Variants in CNTNAP2 observed in about 807,000 individuals in gnomAD.
CNTNAP2 encodes contactin associated protein 2, also known as contactin-associated protein-like 2.
Under a neutral mutation model 155.2 loss-of-function variants are expected in CNTNAP2, and 98 were observed. That is an observed-to-expected ratio of 0.63 (90% CI 0.54 to 0.75). The LOEUF (loss-of-function observed/expected upper bound fraction) is 0.75, where lower values mean the gene tolerates loss of function less well. Among genes scored for constraint, CNTNAP2 ranks in the 30% least tolerant of loss-of-function variants. CNTNAP2 has a pLI of 0.00. For synonymous variants in CNTNAP2, 651 were observed against 631.2 expected, an observed-to-expected ratio of 1.03 and a Z score of -0.47; for missense variants, 1,727 against 1,688.1, an observed-to-expected ratio of 1.02 and a Z score of -0.40.
At chr7:148,002,873 T>A (rs1224956859) in intron 15 of CNTNAP2, among the ~76,000 whole-genome samples, 1 of 152,176 alleles carries the variant, frequency 6.6e-6, no homozygotes, top group Admixed American at 6.5e-5. Context: ...TATTTAATTT[T>A]AAAAATTAGG....
intron 1 of CNTNAP2, among the ~76,000 whole-genome samples, chr7:146,234,906 T>C (rs1234354973): frequency 6.6e-6 from 1 of 152,206 alleles, no homozygotes; most frequent in Non-Finnish European, 1.5e-5. Flanking sequence ...GATTTCCTAT[T>C]TGGCATGTCT....
intron 2 of CNTNAP2, among the ~76,000 whole-genome samples, chr7:146,815,763 C>T (rs1436486637): frequency 6.6e-6 from 1 of 151,272 alleles, no homozygotes; most frequent in African/African-American, 2.4e-5. Context: ...ATATAGAGCA[C>T]TTTTTTTTTA....
chr7:147,802,075 C>T (rs541403746), intron 13 of CNTNAP2, among the ~76,000 whole-genome samples: 8 of 141,204 alleles, frequency 5.7e-5, no homozygotes, highest in African/African-American at 1.8e-4. Context: ...AGTTGCCGGG[C>T]GGAGGGTCTC....
In CNTNAP2 at chr7:148,078,490, A is replaced by G. The variant is rs10242843; in HGVS notation, c.2384-39628A>G. ...TTTTACACCTATGATTTGAGAATAT[A>G]TATATATTAGGCCGAGTTTCATTTT... On this transcript the variant is annotated intron_variant, in intron 15 of 23. Transcript: ENST00000361727. Among the ~76,000 whole-genome samples, 1,436 of 151,622 alleles carry G rather than the reference A, an allele frequency of 9.5e-3. 28 individuals are homozygous for G. The highest frequency in any genetic ancestry group is 0.033 in the African/African-American group (1,355 of 41,354).
intron 1 of CNTNAP2, among the ~76,000 whole-genome samples, chr7:146,655,222 A>G (rs902769121): frequency 6.6e-6 from 1 of 151,680 alleles, no homozygotes; most frequent in African/African-American, 2.4e-5. Context: ...AGACCAGCCC[A>G]ACCAACATGG....
At chr7:148,181,274 T>C (rs1033617706) in intron 18 of CNTNAP2, among the ~76,000 whole-genome samples, 2 of 152,192 alleles carry the variant, frequency 1.3e-5, no homozygotes, top group Admixed American at 1.3e-4. Flanking sequence ...TATATCTATA[T>C]AGTCTGTTGA....
At chr7:147,018,480 T>A (rs1303873417) in intron 3 of CNTNAP2, among the ~76,000 whole-genome samples, 4 of 152,040 alleles carry the variant, frequency 2.6e-5, no homozygotes. Flanking sequence ...ACTGGATGAC[T>A]GGTTTGGATG....
At chr7:147,484,518 G>A (rs546622941) in intron 10 of CNTNAP2, among the ~76,000 whole-genome samples, 1 of 152,282 alleles carries the variant, frequency 6.6e-6, no homozygotes, top group African/African-American at 2.4e-5. Context: ...CTTCTGCAAG[G>A]CTGTGAATAC....
chr7:146,742,534 CTT>C (rs989312378), intron 1 of CNTNAP2, among the ~76,000 whole-genome samples: 12 of 152,114 alleles, frequency 7.9e-5, no homozygotes, highest in African/African-American at 2.9e-4. Context: ...TAAGTCAACT[CTT>C]TTGAGAGATT....
intron 12 of CNTNAP2, among the ~76,000 whole-genome samples, chr7:147,629,043 G>C (rs954663070): frequency 6.6e-5 from 10 of 151,618 alleles, no homozygotes; most frequent in Non-Finnish European, 1.3e-4. Context: ...CAATAATAGT[G>C]GGGGGGCTTC....
At chr7:148,295,735 T>C (rs28488357) in intron 21 of CNTNAP2, among the ~76,000 whole-genome samples, 8,842 of 151,468 alleles carry the variant, frequency 0.058, 337 homozygotes, top group African/African-American at 0.11. Context: ...TCGTGATCCA[T>C]CCGCCTCGGC....
At chr7:146,182,253 T>A (rs1050120847) in intron 1 of CNTNAP2, among the ~76,000 whole-genome samples, 3 of 152,156 alleles carry the variant, frequency 2.0e-5, no homozygotes, top group Non-Finnish European at 2.9e-5. Context: ...TGTTTGTTTG[T>A]TTGATTTTGT....
At chr7:147,181,212 C>T (rs1433675703) in intron 8 of CNTNAP2, among the ~76,000 whole-genome samples, 1 of 152,008 alleles carries the variant, frequency 6.6e-6, no homozygotes. Flanking sequence ...CAGCAGGTGG[C>T]CCAGAGAGAC....
At chr7:147,428,740 C>T (rs1455838896) in intron 10 of CNTNAP2, among the ~76,000 whole-genome samples, 1 of 152,106 alleles carries the variant, frequency 6.6e-6, no homozygotes. Context: ...TTATGTCCTA[C>T]TTTTGTAATA....
chr7:148,068,516 G>C (rs1197175381), intron 15 of CNTNAP2, among the ~76,000 whole-genome samples: 1 of 152,206 alleles, frequency 6.6e-6, no homozygotes, highest in Non-Finnish European at 1.5e-5. Context: ...CACTCACAGT[G>C]TGAATTTCAC....
At chr7:147,779,070 G>A (rs1437408319) in intron 13 of CNTNAP2, among the ~76,000 whole-genome samples, 3 of 152,146 alleles carry the variant, frequency 2.0e-5, no homozygotes. Context: ...TATGAAATTA[G>A]CATGCAATCT....
At chr7:147,419,668 C>T (rs1797256222) in intron 10 of CNTNAP2, among the ~76,000 whole-genome samples, 1 of 152,166 alleles carries the variant, frequency 6.6e-6, no homozygotes, top group Admixed American at 6.5e-5. Context: ...GGTTAGCATA[C>T]ATCTCAGCTG....
intron 1 of CNTNAP2, among the ~76,000 whole-genome samples, chr7:146,672,519 T>C (rs943667521): frequency 7.2e-5 from 11 of 151,934 alleles, no homozygotes; most frequent in African/African-American, 2.7e-4. Context: ...AGATTAAAGA[T>C]GTGAGACTGC....
chr7:146,936,817 TA>T (rs1204834868), intron 3 of CNTNAP2, among the ~76,000 whole-genome samples: 1 of 152,196 alleles, frequency 6.6e-6, no homozygotes, highest in Non-Finnish European at 1.5e-5. Flanking sequence ...CCAATTTCTG[TA>T]GGCCACTTCC....
Sources: allele counts gnomAD v4.1 joint callset (sites outside exome capture counted in the v4.1 genomes callset), GRCh38; gene constraint gnomAD v4.1.1; transcripts MANE v1.5; gene names NCBI Gene and HGNC (gene_info 2026-07-23, HGNC 2026-07-21).